The following SLC4A10 variants were observed in gnomAD, a reference collection of about 807,000 sequenced individuals.
SLC4A10 encodes sodium-driven chloride bicarbonate exchanger.
In SLC4A10, 42 loss-of-function variants were observed where a neutral mutation model predicts 137.7. That is an observed-to-expected ratio of 0.30 (90% CI 0.24 to 0.39). The LOEUF is 0.39. Among genes scored for constraint, SLC4A10 ranks in the 10% least tolerant of loss-of-function variants. The probability of loss-of-function intolerance (pLI) is 1.00; values close to 1 mark genes in which losing one functional copy is unlikely to be tolerated. For missense variants in SLC4A10, 925 were observed against 1,355.0 expected (o/e 0.68, Z 4.98); for synonymous variants, 474 against 464.1 (o/e 1.02, Z -0.27).
intron 15 of SLC4A10, among the ~76,000 whole-genome samples, chr2:161,921,848 G>T (rs905804283): frequency 2.6e-5 from 4 of 152,176 alleles, no homozygotes; most frequent in African/African-American, 9.7e-5. Flanking sequence ...TGATTGCGAT[G>T]ATTATAACTC....
At chr2:161,800,583 A>G (rs2055274729) in intron 2 of SLC4A10, among the ~76,000 whole-genome samples, 1 of 152,026 alleles carries the variant, frequency 6.6e-6, no homozygotes, top group African/African-American at 2.4e-5. Context: ...TGGAAGACTA[A>G]AGTTTAAGGA....
intron 21 of SLC4A10, among the ~76,000 whole-genome samples, chr2:161,963,310 A>G (rs942259622): frequency 6.6e-6 from 1 of 152,136 alleles, no homozygotes; most frequent in Non-Finnish European, 1.5e-5. Flanking sequence ...GTTATGTAAT[A>G]CTATGTACTA....
intron 1 of SLC4A10, among the ~76,000 whole-genome samples, chr2:161,768,861 A>T (rs984299439): frequency 6.6e-6 from 1 of 151,920 alleles, no homozygotes; most frequent in Non-Finnish European, 1.5e-5. Context: ...CAGTTTGATG[A>T]CAGCAGTTCC....
At chr2:161,816,555 T>A (rs1334628977) in intron 3 of SLC4A10, among the ~76,000 whole-genome samples, 1 of 152,070 alleles carries the variant, frequency 6.6e-6, no homozygotes, top group East Asian at 1.9e-4. Flanking sequence ...CGTATACATG[T>A]GCCATGGTGG....
At chr2:161,978,439 T>A (rs1360897751) in intron 26 of SLC4A10, among the ~76,000 whole-genome samples, 1 of 149,202 alleles carries the variant, frequency 6.7e-6, no homozygotes, top group Non-Finnish European at 1.5e-5. Flanking sequence ...AGAAAGAAAT[T>A]GCAAAGCTGA....
At chr2:161,903,177 A>T (rs1375021888) in intron 12 of SLC4A10, among the ~76,000 whole-genome samples, 1 of 152,174 alleles carries the variant, frequency 6.6e-6, no homozygotes, top group Non-Finnish European at 1.5e-5. Flanking sequence ...TCACAGTTTA[A>T]TACTTTTCCC....
In SLC4A10 at chr2:161,655,326, C is replaced by T. The variant is rs1021702856; in HGVS notation, c.48+30760C>T. Among the ~76,000 whole-genome samples, 3 of 152,128 alleles carry T rather than the reference C, an allele frequency of 2.0e-5. 1 individual carries two copies. The highest frequency in any genetic ancestry group is 4.4e-5 in the Non-Finnish European group (3 of 68,010). The stretch of plus-strand genomic sequence containing the variant: ...TCAAGAAACAGAGACAATTTCACTT[C>T]TGTTTTTGATTTGAATGTCTTTATT... On this transcript the variant is annotated intron_variant, in intron 1 of 26. Transcript: ENST00000446997.
chr2:161,651,079 G>A lies in SLC4A10; in HGVS notation c.48+26513G>A, dbSNP rs367630957. On this transcript the variant is annotated intron_variant, in intron 1 of 26. Coordinates refer to ENST00000446997, the MANE Select transcript of SLC4A10 (RefSeq NM_001178015.2). ...TGGTCAACCATGGATCAATCAGCAT[G>A]CACTTCCTCCCTTCTGAGCCCATAA... 173 of 152,658 alleles carry A rather than the reference G, an allele frequency of 1.1e-3. 2 individuals carry two copies. The South Asian group carries it at 0.02, about 17-fold the overall frequency. 9.5% of individuals were successfully genotyped at this position (152,658 alleles called of 1,614,324 possible).
At chr2:161,650,241 G>A (rs935235906) in intron 1 of SLC4A10, among the ~76,000 whole-genome samples, 4 of 152,240 alleles carry the variant, frequency 2.6e-5, no homozygotes, top group African/African-American at 9.6e-5. Flanking sequence ...ATTCGGACTT[G>A]TATGATGTTT....
intron 1 of SLC4A10, among the ~76,000 whole-genome samples, chr2:161,691,187 C>T (rs13430939): frequency 0.033 from 4,954 of 151,946 alleles, 268 homozygotes; most frequent in African/African-American, 0.11. Context: ...TATAACCCAA[C>T]AGTTGTATTC....
intron 2 of SLC4A10, among the ~76,000 whole-genome samples, chr2:161,803,915 G>A (rs1005673146): frequency 1.1e-4 from 17 of 152,204 alleles, no homozygotes; most frequent in Middle Eastern, 3.4e-3. Flanking sequence ...TGCCAGAGTC[G>A]AAACTCTTGT....
intron 1 of SLC4A10, among the ~76,000 whole-genome samples, chr2:161,673,851 G>A (rs538856626): frequency 6.6e-5 from 10 of 152,158 alleles, no homozygotes; most frequent in East Asian, 5.8e-4. Flanking sequence ...TTAGCTGGGT[G>A]TGGTGGTGCA....
intron 15 of SLC4A10, among the ~76,000 whole-genome samples, chr2:161,914,395 TA>T (rs1331852114): frequency 6.6e-6 from 1 of 152,148 alleles, no homozygotes; most frequent in Non-Finnish European, 1.5e-5. Context: ...CAAGACTGTT[TA>T]AATATTATGA....
At chr2:161,897,165 A>G (rs919269901) in intron 11 of SLC4A10, among the ~76,000 whole-genome samples, 1 of 152,116 alleles carries the variant, frequency 6.6e-6, no homozygotes, top group Non-Finnish European at 1.5e-5. Context: ...TCTAATGTAT[A>G]TTTTACCCAT....
At chr2:161,726,257 G>A (rs899194411) in intron 1 of SLC4A10, among the ~76,000 whole-genome samples, 4 of 152,084 alleles carry the variant, frequency 2.6e-5, no homozygotes, top group African/African-American at 4.8e-5. Context: ...ATACAAATAA[G>A]TATTATTTTG....
At chr2:161,662,521 C>T (rs1460399378) in intron 1 of SLC4A10, among the ~76,000 whole-genome samples, 1 of 152,106 alleles carries the variant, frequency 6.6e-6, no homozygotes, top group Middle Eastern at 3.2e-3. Flanking sequence ...CAACTTTTCT[C>T]TTGTTTGTAA....
At chr2:161,837,042 T>G (rs551549221) in intron 3 of SLC4A10, among the ~76,000 whole-genome samples, 1 of 152,274 alleles carries the variant, frequency 6.6e-6, no homozygotes, top group South Asian at 2.1e-4. Context: ...GTTTTCCCCC[T>G]GTGACCAGGA....
intron 3 of SLC4A10, among the ~76,000 whole-genome samples, chr2:161,817,176 G>C (rs1305107959): frequency 2.6e-5 from 4 of 152,182 alleles, no homozygotes; most frequent in East Asian, 3.9e-4. Context: ...GCCATTCTAA[G>C]TGGTATGAGA....
At chr2:161,971,703 C>T (rs1356714271) in intron 23 of SLC4A10, among the ~76,000 whole-genome samples, 1 of 152,180 alleles carries the variant, frequency 6.6e-6, no homozygotes, top group Non-Finnish European at 1.5e-5. Context: ...ACAGTGCTGC[C>T]GGGATGCAGC....
Sources: allele counts gnomAD v4.1 joint callset (sites outside exome capture counted in the v4.1 genomes callset), GRCh38; gene constraint gnomAD v4.1.1; transcripts MANE v1.5; gene names NCBI Gene and HGNC (gene_info 2026-07-23, HGNC 2026-07-21).